ZFAT: variants seen among roughly 807,000 people sequenced by gnomAD.
ZFAT encodes the protein zinc finger and AT-hook domain containing.
ZFAT carries 64 observed loss-of-function variants against 117.7 expected under a neutral mutation model. The observed-to-expected ratio is 0.54, with a 90% CI of 0.44 to 0.67. The LOEUF is 0.67. Ranked by LOEUF, ZFAT falls within the 30% of genes least tolerant of loss-of-function variation. ZFAT has a pLI of 0.00. For synonymous variants in ZFAT, 679 were observed against 615.0 expected, an observed-to-expected ratio of 1.10 and a Z score of -1.54; for missense variants, 1,433 against 1,584.5, an observed-to-expected ratio of 0.90 and a Z score of 1.62.
intron 3 of ZFAT, among the ~76,000 whole-genome samples, chr8:134,636,762 G>A (rs542141269): frequency 3.9e-5 from 6 of 152,306 alleles, no homozygotes; most frequent in African/African-American, 9.6e-5. Flanking sequence ...TTCCTCCGAC[G>A]AAGGCCATCT....
At chr8:134,742,098 C>T in the ZFAT span, among the ~76,000 whole-genome samples, 110 of 152,178 alleles carry the variant, frequency 7.2e-4, no homozygotes, top group African/African-American at 2.5e-3. Context: ...CTCTCTGCAA[C>T]CTGATAAATT....
intron 3 of ZFAT, among the ~76,000 whole-genome samples, chr8:134,621,362 C>CA (rs1563686879): frequency 6.6e-6 from 1 of 152,054 alleles, no homozygotes; most frequent in Non-Finnish European, 1.5e-5. Flanking sequence ...ATTATAATAA[C>CA]AATACCTTAT....
At chr8:134,736,220 A>T in the ZFAT span, among the ~76,000 whole-genome samples, 1 of 152,186 alleles carries the variant, frequency 6.6e-6, no homozygotes, top group African/African-American at 2.4e-5. Flanking sequence ...GGGATAGAGA[A>T]TAAATAAAAA....
At chr8:134,726,249 A>G in the ZFAT span, among the ~76,000 whole-genome samples, 1 of 152,248 alleles carries the variant, frequency 6.6e-6, no homozygotes, top group African/African-American at 2.4e-5. Context: ...AACTTGAGAG[A>G]TTCAAGTGCC....
the ZFAT span, among the ~76,000 whole-genome samples, chr8:134,768,699 C>G: frequency 6.6e-6 from 1 of 152,216 alleles, no homozygotes; most frequent in Non-Finnish European, 1.5e-5. Context: ...TTAATTACCT[C>G]CCACCAGGTT....
At chr8:134,741,496 C>T in the ZFAT span, among the ~76,000 whole-genome samples, 1 of 152,222 alleles carries the variant, frequency 6.6e-6, no homozygotes, top group Non-Finnish European at 1.5e-5. Context: ...TTCCTTTCCA[C>T]GCCCTGGACT....
chr8:134,581,842 G>A (rs1825732183), intron 10 of ZFAT, among the ~76,000 whole-genome samples: 1 of 152,074 alleles, frequency 6.6e-6, no homozygotes, highest in South Asian at 2.1e-4. Context: ...CACCTCCCTT[G>A]GCCTCCCAAA....
chr8:134,770,918 TAAATTTTGGTCAGA>T, the ZFAT span, among the ~76,000 whole-genome samples: 1 of 151,636 alleles, frequency 6.6e-6, no homozygotes, highest in East Asian at 1.9e-4. Context: ...TCCCACCGAA[TAAATTTTGGTCAGA>T]CCGATTGATC....
Position 134,712,959 on chromosome 8 carries a change from CTTTTTA to C in ZFAT, c.-102_-97del, listed in dbSNP as rs1814081695. On this transcript the variant is annotated 5_prime_UTR_variant, in exon 1 of 16. Transcript: ENST00000377838. Reference sequence around the variant, plus strand: ...GGCGGGGCGCCCTGCTGACGCTTCGCTTTTTATTTTTATTTTTTTAAGAAAAGAGCC... The same window carrying C: ...GGCGGGGCGCCCTGCTGACGCTTCGCTTTTTATTTTTTTAAGAAAAGAGCC... The C allele has an allele frequency of 5.9e-6, 8 of 1,356,574 alleles. No individual in the cohort carries two copies. The East Asian group carries it at 9.0e-5, about 15-fold the overall frequency. The allele number at this position is 1,356,574 out of a possible 1,614,324, so 84.0% of individuals were successfully genotyped here.
intron 3 of ZFAT, among the ~76,000 whole-genome samples, chr8:134,612,573 C>T (rs576615067): frequency 5.3e-5 from 8 of 152,326 alleles, no homozygotes; most frequent in African/African-American, 1.4e-4. Context: ...TTTCTATGTT[C>T]TATAAAGTTT....
the ZFAT span, among the ~76,000 whole-genome samples, chr8:134,724,109 T>C: frequency 6.6e-6 from 1 of 152,216 alleles, no homozygotes; most frequent in Non-Finnish European, 1.5e-5. Context: ...CAGAATCTTA[T>C]GCCAGTTTCT....
chr8:134,522,027 G>C (rs991733296), intron 12 of ZFAT, among the ~76,000 whole-genome samples: 8 of 152,180 alleles, frequency 5.3e-5, no homozygotes, highest in Non-Finnish European at 1.2e-4. Flanking sequence ...CAGTGCTTCC[G>C]CAGCATCCTG....
At chr8:134,772,025 A>G in the ZFAT span, among the ~76,000 whole-genome samples, 6 of 152,320 alleles carry the variant, frequency 3.9e-5, 1 homozygote, top group Middle Eastern at 0.017. Flanking sequence ...CCATGATTCA[A>G]TTACCTCCCA....
the ZFAT span, among the ~76,000 whole-genome samples, chr8:134,808,909 G>T: frequency 1.3e-5 from 2 of 152,266 alleles, no homozygotes; most frequent in African/African-American, 4.8e-5. Flanking sequence ...ATCAAAGTTT[G>T]CCTAAGATAC....
intron 1 of ZFAT, among the ~76,000 whole-genome samples, chr8:134,712,623 CTTT>C (rs71274891): frequency 1.6e-4 from 22 of 138,336 alleles, no homozygotes; most frequent in Non-Finnish European, 2.3e-4. Context: ...TCCCGCCTTG[CTTT>C]TTTTTTTTTT....
chr8:134,821,106 GA>G, the ZFAT span, among the ~76,000 whole-genome samples: 1 of 152,246 alleles, frequency 6.6e-6, no homozygotes, highest in South Asian at 2.1e-4. Context: ...AAATAGATGT[GA>G]AAACACCATG....
Position 134,608,717 on chromosome 8 carries a change from A to G in ZFAT, c.785+12T>C. The G allele has an allele frequency of 1.2e-6, 2 of 1,609,022 alleles. No individual in the cohort carries two copies. The highest frequency in any genetic ancestry group is 1.7e-6 in the Non-Finnish European group (2 of 1,178,080). ...ACCTCTGGCTGAAGTTACACAGAAC[A>G]AAACACTTTACCTGCTTGACTTCAT... On this transcript the variant is annotated intron_variant, in intron 5 of 15. Coordinates refer to ENST00000377838, the MANE Select transcript of ZFAT (RefSeq NM_020863.4).
the ZFAT span, among the ~76,000 whole-genome samples, chr8:134,732,276 T>A: frequency 6.6e-6 from 1 of 151,974 alleles, no homozygotes; most frequent in South Asian, 2.1e-4. Context: ...GCTCTGCAGG[T>A]TTTTTACTGT....
intron 1 of ZFAT, among the ~76,000 whole-genome samples, chr8:134,697,337 C>T (rs1245713399): frequency 6.6e-6 from 1 of 151,072 alleles, no homozygotes; most frequent in Non-Finnish European, 1.5e-5. Context: ...TGGTATTGAA[C>T]TCCTGACCTT....
Sources: gnomAD v4.1 joint callset for allele counts (sites outside exome capture counted in the v4.1 genomes callset) on GRCh38, gnomAD v4.1.1 for gene constraint, MANE v1.5 for transcripts, NCBI Gene and HGNC (gene_info 2026-07-23, HGNC 2026-07-21) for gene names.